Variants in CPEB2 observed in about 807,000 individuals in gnomAD.
CPEB2 encodes cytoplasmic polyadenylation element binding protein 2.
A neutral mutation model predicts 93.6 loss-of-function variants in CPEB2; 56 were observed. The observed-to-expected ratio is 0.60, with a 90% confidence interval of 0.48 to 0.75. CPEB2 has a LOEUF of 0.75. CPEB2 is among the 30% of genes least tolerant of loss of function. The pLI, the probability that CPEB2 is intolerant of heterozygous loss-of-function variation, is 0.00. For synonymous variants in CPEB2, 764 were observed against 586.3 expected (o/e 1.30, Z -4.38); for missense variants, 1,579 against 1,395.1 (o/e 1.13, Z -2.10).
chr4:15,018,936 T>TTA (rs56945294), intron 4 of CPEB2, among the ~76,000 whole-genome samples: 2,484 of 132,868 alleles, frequency 0.019, 26 homozygotes, highest in Middle Eastern at 0.046. Flanking sequence ...AAGGGGAATT[T>TTA]TATATATATA....
At chr4:15,012,937 G>A (rs1378971537) in intron 3 of CPEB2, among the ~76,000 whole-genome samples, 2 of 151,774 alleles carry the variant, frequency 1.3e-5, no homozygotes, top group African/African-American at 4.8e-5. Context: ...ATGTATCCCA[G>A]CAAAAAAAAT....
chr4:15,004,251 G>C lies in CPEB2; in HGVS notation c.1578G>C (p.Ser526=), dbSNP rs1365187887. The C allele has an allele frequency of 3.3e-6, 5 of 1,493,354 alleles. No individual in the cohort carries two copies. In the African/African-American group the frequency reaches 5.8e-5, roughly 17 times the overall value. 92.5% of individuals were successfully genotyped at this position (1,493,354 alleles called of 1,614,324 possible). Residue 526 remains serine (S), a synonymous_variant, in exon 1 of 12, where the codon TCG becomes TCC. Coordinates refer to ENST00000538197, the MANE Select transcript of CPEB2 (RefSeq NM_001177382.2). ...CGCAGCAGCCGCAGAGCCGGAGGTC[G>C]CCCGTCAGCCCGCAGCTCCAGCAGC... ...AAPQQPQSRR[S]PVSPQLQQQH...
chr4:15,050,846 TA>T (rs1728156937), intron 6 of CPEB2, among the ~76,000 whole-genome samples: 1 of 152,208 alleles, frequency 6.6e-6, no homozygotes, highest in Non-Finnish European at 1.5e-5. Flanking sequence ...ATTGATGTTA[TA>T]AAGGACCTTA....
Position 15,002,718 on chromosome 4 carries a change from A to C in CPEB2, c.45A>C (p.Arg15=). The change falls in exon 1 of 12, where the codon CGA becomes CGC. Residue 15 remains arginine (R), a synonymous_variant. Transcript: ENST00000538197. ...GGGTGCTGCAGACCGCCCCGCTCCG[A>C]AGTAGCAGTCCTGGGCCCCTGTTCT... The part of the protein sequence containing the change: ...GFGVLQTAPL[R]SSSPGPLFCG... 6.5e-7 allele frequency: 1 copy of C among 1,528,044 alleles called. No individual in the cohort carries two copies. Among genetic ancestry groups the C allele is most frequent in the East Asian group, 2.5e-5 (1 of 40,200 alleles). The allele number at this position is 1,528,044 out of a possible 1,614,324, so 94.7% of individuals were successfully genotyped here. A position where few individuals can be genotyped will look rare whatever the true frequency, so the allele number is the denominator to read the frequency against.
At chr4:15,056,875 G>A (rs971692714) in intron 8 of CPEB2, among the ~76,000 whole-genome samples, 1 of 151,936 alleles carries the variant, frequency 6.6e-6, no homozygotes, top group Admixed American at 6.6e-5. Context: ...CTTGCATCAG[G>A]TAAGTCATAA....
In CPEB2 at chr4:15,002,986, C is replaced by A; in HGVS notation, c.313C>A (p.Pro105Thr). 6.7e-7 allele frequency: 1 copy of A among 1,502,348 alleles called. No homozygotes were observed. Among genetic ancestry groups the A allele is most frequent in the East Asian group, 2.5e-5 (1 of 40,392 alleles). The allele number at this position is 1,502,348 out of a possible 1,614,324, so 93.1% of individuals were successfully genotyped here. A position where few individuals can be genotyped will look rare whatever the true frequency, so the allele number is the denominator to read the frequency against. Residue 105 changes from proline (P) to threonine (T), a missense_variant, in exon 1 of 12, where the codon CCG becomes ACG. By Grantham distance (38) the Pro-to-Thr change is conservative. This residue lies in a region of CPEB2 where 1,411 missense variants were observed against 1,056.0 expected (regional missense o/e 1.34). Transcript: ENST00000538197. ...DELLLGLTQQ[P>T]ARPLSGAAAT... ...GCTGCTTCTGGGGCTGACACAGCAG[C>A]CGGCGCGGCCGCTTTCGGGGGCGGC...
chr4:15,022,452 C>CA (rs908924597), intron 4 of CPEB2, among the ~76,000 whole-genome samples: 1 of 151,520 alleles, frequency 6.6e-6, no homozygotes, highest in Non-Finnish European at 1.5e-5. Context: ...TTGCCAATAA[C>CA]AAAAAAGAGT....
intron 5 of CPEB2, among the ~76,000 whole-genome samples, chr4:15,038,831 C>T (rs530056731): frequency 2.4e-4 from 37 of 152,232 alleles, no homozygotes; most frequent in Non-Finnish European, 5.0e-4. Context: ...TCAGGTGATC[C>T]ACCCGCCTCA....
chr4:15,050,989 A>G (rs934586974), intron 6 of CPEB2, among the ~76,000 whole-genome samples: 1 of 152,224 alleles, frequency 6.6e-6, no homozygotes, highest in African/African-American at 2.4e-5. Flanking sequence ...CTTTACATCT[A>G]AAGCTTAAAT....
intron 5 of CPEB2, among the ~76,000 whole-genome samples, chr4:15,037,240 T>TTGCAGTGA: frequency 6.6e-6 from 1 of 152,004 alleles, no homozygotes; most frequent in South Asian, 2.1e-4. Context: ...GAGTTGGAGC[T>TTGCAGTGA]TGCAGTGATG....
At chr4:15,022,015 A>G (rs1047510088) in intron 4 of CPEB2, among the ~76,000 whole-genome samples, 1 of 152,130 alleles carries the variant, frequency 6.6e-6, no homozygotes, top group Non-Finnish European at 1.5e-5. Context: ...TACAATACCA[A>G]GTCACAAAAT....
At position 15,003,140 on chromosome 4, in the gene CPEB2, G is replaced by A. The variant is rs1322977657; in HGVS notation, c.467G>A (p.Cys156Tyr). The stretch of plus-strand genomic sequence containing the variant: ...TCCTCCTCCTCCGCCTCCTCCTGCT[G>A]CTGCTGCCGCACCTCCTCCCCGCAG... Reference protein sequence around the residue: ...HPSSSSASSCCCCRTSSPQDF... With the variant: ...HPSSSSASSCYCCRTSSPQDF... Residue 156 changes from cysteine (C) to tyrosine (Y), a missense_variant, in exon 1 of 12, where the codon TGC (cysteine) becomes TAC (tyrosine). By Grantham distance (194) the Cys-to-Tyr change is radical (BLOSUM62 -2). This residue lies in a region of CPEB2 where 1,411 missense variants were observed against 1,056.0 expected (regional missense o/e 1.34). Coordinates refer to ENST00000538197, the MANE Select transcript of CPEB2 (RefSeq NM_001177382.2). 12 of 1,532,990 alleles carry A rather than the reference G, an allele frequency of 7.8e-6. No individual in the cohort carries two copies. Among genetic ancestry groups the A allele is most frequent in the Non-Finnish European group, 9.6e-6 (11 of 1,145,828 alleles). The allele number at this position is 1,532,990 out of a possible 1,614,324, so 95.0% of individuals were successfully genotyped here.
chr4:15,007,445 T>A lies in CPEB2; in HGVS notation c.1803T>A (p.Ser601=). Residue 601 remains serine, a synonymous_variant, in exon 2 of 12, where the codon TCT becomes TCA. Coordinates refer to ENST00000538197, the MANE Select transcript of CPEB2 (RefSeq NM_001177382.2). ...MGIPGTMNQI[S]PLKKPFSGNV... is the part of the protein sequence containing the mutation. ...TCCCAGGAACTATGAATCAGATATC[T>A]CCATTGAAGAAACCGTTTTCTGGTA... 1 of 1,614,102 alleles carries A rather than the reference T, an allele frequency of 6.2e-7. No individual in the cohort carries two copies. Among genetic ancestry groups the A allele is most frequent in the Non-Finnish European group, 8.5e-7 (1 of 1,180,016 alleles).
In CPEB2 at chr4:15,002,961, G is replaced by A. The variant is rs996739740; in HGVS notation, c.288G>A (p.Glu96=). 1 of 1,513,416 alleles carries A rather than the reference G, an allele frequency of 6.6e-7. No individual in the cohort carries two copies. Among genetic ancestry groups the A allele is most frequent in the East Asian group, 2.5e-5 (1 of 40,434 alleles). The allele number at this position is 1,513,416 out of a possible 1,614,324, so 93.7% of individuals were successfully genotyped here. ...CGCATCAGCAGACCATGCAGGATGA[G>A]CTGCTTCTGGGGCTGACACAGCAGC... ...FLAHQQTMQD[E]LLLGLTQQPA... is the part of the protein sequence containing the mutation. Residue 96 remains glutamate, a synonymous_variant, in exon 1 of 12, where the codon GAG becomes GAA. Coordinates refer to ENST00000538197, the MANE Select transcript of CPEB2 (RefSeq NM_001177382.2).
intron 5 of CPEB2, among the ~76,000 whole-genome samples, chr4:15,034,905 T>A (rs2109034209): frequency 6.6e-6 from 1 of 152,290 alleles, no homozygotes; most frequent in East Asian, 1.9e-4. Flanking sequence ...TTTCTTGAGC[T>A]ATTTTTTAAC....
At chr4:15,065,867 T>C (rs899110998) in intron 11 of CPEB2, among the ~76,000 whole-genome samples, 2 of 152,058 alleles carry the variant, frequency 1.3e-5, no homozygotes, top group African/African-American at 4.8e-5. Context: ...TGATATCTCT[T>C]TTGTTTTTCA....
chr4:15,008,118 G>A (rs1464185281), intron 2 of CPEB2, among the ~76,000 whole-genome samples: 1 of 151,906 alleles, frequency 6.6e-6, no homozygotes, highest in Non-Finnish European at 1.5e-5. Context: ...ACGTTGATTA[G>A]ACTTTTTTTT....
chr4:15,040,563 A>T (rs1727070273), intron 6 of CPEB2, 76 bp downstream of exon 6: 3 of 1,302,842 alleles, frequency 2.3e-6, no homozygotes, highest in Non-Finnish European at 3.2e-6. Flanking sequence ...TAATTACTCT[A>T]GATTTTTCAT....
At chr4:15,020,359 G>T (rs1724673507) in intron 4 of CPEB2, among the ~76,000 whole-genome samples, 1 of 151,984 alleles carries the variant, frequency 6.6e-6, no homozygotes, top group Non-Finnish European at 1.5e-5. Context: ...CACAGTTAAA[G>T]GAAAAGAAAA....
Sources: gnomAD v4.1 joint callset for allele counts (sites outside exome capture counted in the v4.1 genomes callset) on GRCh38, gnomAD v4.1.1 for gene constraint, gnomAD v4.1.1 regional missense constraint, MANE v1.5 for transcripts, NCBI Gene and HGNC (gene_info 2026-07-23, HGNC 2026-07-21) for gene names.